The following ASCC3 variants were observed in gnomAD, a reference collection of about 807,000 sequenced individuals.
ASCC3 encodes the protein ASC-1 complex subunit P200.
In ASCC3, 158 loss-of-function variants were observed where a neutral mutation model predicts 256.3. The ratio of observed to expected loss-of-function variants is 0.62; its 90% CI spans 0.54 to 0.70. ASCC3 has a LOEUF of 0.70. Among genes scored for constraint, ASCC3 ranks in the 30% least tolerant of loss-of-function variants. The probability of loss-of-function intolerance (pLI) is 0.00; values close to 1 mark genes in which losing one functional copy is unlikely to be tolerated. For synonymous variants in ASCC3, 948 were observed against 883.4 expected (o/e 1.07, Z -1.30); for missense variants, 2,259 against 2,626.0 (o/e 0.86, Z 3.05).
At chr6:100,760,661 G>A (rs895322715) in intron 10 of ASCC3, among the ~76,000 whole-genome samples, 1 of 152,144 alleles carries the variant, frequency 6.6e-6, no homozygotes, top group Non-Finnish European at 1.5e-5. Flanking sequence ...AGAAAGTTCA[G>A]AACTGACAAG....
At chr6:100,577,269 A>G (rs1582478973) in intron 36 of ASCC3, among the ~76,000 whole-genome samples, 1 of 152,030 alleles carries the variant, frequency 6.6e-6, no homozygotes, top group South Asian at 2.1e-4. Context: ...GGCCTATATT[A>G]TATCTGTCAA....
In ASCC3 at chr6:100,800,303, T is replaced by G; in HGVS notation, c.1124A>C (p.Gln375Pro). 6.2e-7 allele frequency: 1 copy of G among 1,612,624 alleles called. No homozygotes were observed. Among genetic ancestry groups the G allele is most frequent in the Non-Finnish European group, 8.5e-7 (1 of 1,179,072 alleles). The change falls in exon 6 of 42, where the codon CAA becomes CCA. Residue 375 changes from glutamine (Q) to proline (P), a missense_variant. By Grantham distance (76) the Gln-to-Pro change is moderately conservative. Transcript: ENST00000369162. ...TTCAGCTCCTGGCTTTTATTACCTT[T>G]GTATCCGCAATTCCTTAGGATCAAA... ...MCFDPKELRI[Q>P]REQALLNARS...
chr6:100,654,458 G>A (rs1007524044), intron 17 of ASCC3, among the ~76,000 whole-genome samples: 3 of 151,966 alleles, frequency 2.0e-5, no homozygotes, highest in Non-Finnish European at 2.9e-5. Flanking sequence ...AATTTGAGAT[G>A]GCTTAGTCCG....
rs1245301944 is a variant in ASCC3 at position 100,512,755 on chromosome 6, T to C, written c.6239A>G (p.Tyr2080Cys). 7 of 1,614,144 alleles carry C rather than the reference T, an allele frequency of 4.3e-6. No homozygotes were observed. The highest frequency in any genetic ancestry group is 5.9e-6 in the Non-Finnish European group (7 of 1,179,996). Reference protein sequence around the residue: ...KWIKLHADQEYVLQVSLQRVH... With the variant: ...KWIKLHADQECVLQVSLQRVH... The stretch of plus-strand genomic sequence containing the variant: ...TCTCTGCAAGCTCACTTGAAGCACA[T>C]ACTCTTGGTCAGCATGCAATTTGAT... The change falls in exon 40 of 42, where the codon TAT becomes TGT. Residue 2080 changes from tyrosine (Y) to cysteine (C), a missense_variant. Tyr to Cys is a radical substitution (Grantham distance 194). This residue lies in a region of ASCC3 where 1,839 missense variants were observed against 2,206.7 expected (regional missense o/e 0.83). Transcript: ENST00000369162.
chr6:100,752,240 C>A (rs779135268), intron 10 of ASCC3, among the ~76,000 whole-genome samples: 17 of 151,982 alleles, frequency 1.1e-4, no homozygotes, highest in Non-Finnish European at 2.1e-4. Flanking sequence ...TTTATATTAT[C>A]TTGCTGGTTT....
chr6:100,720,457 T>C (rs1779275478), intron 11 of ASCC3, among the ~76,000 whole-genome samples: 1 of 151,860 alleles, frequency 6.6e-6, no homozygotes, highest in Non-Finnish European at 1.5e-5. Flanking sequence ...AAAGAAGGCA[T>C]TACATAATTT....
intron 26 of ASCC3, 64 bp from the exon 27 acceptor site, chr6:100,629,245 A>G: frequency 6.9e-7 from 1 of 1,452,310 alleles, no homozygotes; most frequent in Non-Finnish European, 9.6e-7. Context: ...TGGAAATGCA[A>G]AAACCTATCT....
At chr6:100,597,973 C>CAA (rs34634494) in intron 34 of ASCC3, among the ~76,000 whole-genome samples, 12 of 87,998 alleles carry the variant, frequency 1.4e-4, no homozygotes, top group South Asian at 8.2e-4. Context: ...GACTCCGTCT[C>CAA]AAAAAAAAAA....
chr6:100,598,638 C>T (rs1772437283), intron 34 of ASCC3, among the ~76,000 whole-genome samples: 1 of 152,118 alleles, frequency 6.6e-6, no homozygotes, highest in Non-Finnish European at 1.5e-5. Flanking sequence ...GTCATACCTA[C>T]CCAGCTCCCT....
intron 4 of ASCC3, among the ~76,000 whole-genome samples, chr6:100,809,937 T>G (rs1159017895): frequency 1.3e-5 from 2 of 152,064 alleles, no homozygotes; most frequent in East Asian, 3.9e-4. Context: ...TACAACCCAT[T>G]ATGTCATATG....
intron 36 of ASCC3, among the ~76,000 whole-genome samples, chr6:100,562,583 T>G (rs1770012634): frequency 6.6e-6 from 1 of 152,106 alleles, no homozygotes; most frequent in Non-Finnish European, 1.5e-5. Context: ...TGATTCCCTT[T>G]CAAGAACGTA....
intron 2 of ASCC3, among the ~76,000 whole-genome samples, chr6:100,867,134 A>C (rs1773519484): frequency 1.3e-5 from 2 of 152,216 alleles, no homozygotes; most frequent in African/African-American, 4.8e-5. Context: ...GACACTGAAG[A>C]AGTTCCTTCG....
rs1489376380 is a variant in ASCC3 at position 100,683,994 on chromosome 6, GT to G, written c.2152-4243del. ...GTATGTAAATTTGAGTTCTGGTCCT[GT>G]TATTTGACTTGTCAAAGAAAGTGTT... is the stretch of plus-strand genomic sequence containing the variant. On this transcript the variant is annotated intron_variant, in intron 13 of 41. Coordinates refer to ENST00000369162, the MANE Select transcript of ASCC3 (RefSeq NM_006828.4). Among the ~76,000 whole-genome samples the G allele has an allele frequency of 1.4e-4, 22 of 152,204 alleles. No homozygotes were observed. In the East Asian group the frequency reaches 4.2e-3, roughly 29 times the overall value.
intron 10 of ASCC3, among the ~76,000 whole-genome samples, chr6:100,756,767 A>C (rs994025963): frequency 6.6e-6 from 1 of 152,172 alleles, no homozygotes; most frequent in African/African-American, 2.4e-5. Flanking sequence ...AACTATTAGT[A>C]AGAATACTTA....
At chr6:100,787,530 C>T (rs769658084) in intron 8 of ASCC3, among the ~76,000 whole-genome samples, 2 of 151,944 alleles carry the variant, frequency 1.3e-5, no homozygotes, top group Non-Finnish European at 2.9e-5. Flanking sequence ...GAAAACAACA[C>T]GATTCATATG....
chr6:100,516,594 G>A (rs1582372265), intron 38 of ASCC3, among the ~76,000 whole-genome samples: 1 of 152,160 alleles, frequency 6.6e-6, no homozygotes, highest in East Asian at 1.9e-4. Flanking sequence ...CTTTCCACAG[G>A]AAGGCACTAA....
chr6:100,611,789 CA>C (rs1342627635), intron 30 of ASCC3, among the ~76,000 whole-genome samples: 1 of 151,292 alleles, frequency 6.6e-6, no homozygotes, highest in Non-Finnish European at 1.5e-5. Flanking sequence ...GGAGAGGAGA[CA>C]AGTTTATTTT....
chr6:100,720,747 CA>C (rs1779288581), intron 11 of ASCC3, among the ~76,000 whole-genome samples: 3 of 150,764 alleles, frequency 2.0e-5, no homozygotes, highest in Non-Finnish European at 3.0e-5. Flanking sequence ...CAAAGTAGTA[CA>C]AAACGATATA....
chr6:100,732,525 A>T (rs1454959128), intron 10 of ASCC3, among the ~76,000 whole-genome samples: 1 of 152,180 alleles, frequency 6.6e-6, no homozygotes, highest in East Asian at 1.9e-4. Context: ...TATTTAAATC[A>T]TTTCTCTTTT....
Sources: allele counts gnomAD v4.1 joint callset (sites outside exome capture counted in the v4.1 genomes callset), GRCh38; gene constraint gnomAD v4.1.1; regional missense constraint gnomAD v4.1.1; transcripts MANE v1.5; gene names NCBI Gene and HGNC (gene_info 2026-07-23, HGNC 2026-07-21).